The following EEF1E1 variants were observed in gnomAD, a reference collection of about 807,000 sequenced individuals.
EEF1E1 encodes eukaryotic translation elongation factor 1 epsilon 1.
In EEF1E1, 19 loss-of-function variants were observed where a neutral mutation model predicts 19.9. The ratio of observed to expected loss-of-function variants is 0.95; its 90% CI spans 0.66 to 1.40. EEF1E1 has a LOEUF of 1.40. Ranked by LOEUF, EEF1E1 falls within the 40% of genes most tolerant of loss-of-function variation. The pLI is 0.00. For missense variants in EEF1E1, 198 were observed against 202.2 expected (o/e 0.98, Z 0.13); for synonymous variants, 81 against 80.0 (o/e 1.01, Z -0.07).
chr6:8,102,268 G>C (rs1561647769), intron 1 of EEF1E1, among the ~76,000 whole-genome samples, 167 bp downstream of exon 1: 1 of 152,156 alleles, frequency 6.6e-6, no homozygotes, highest in East Asian at 1.9e-4. Context: ...AGGATGGCAG[G>C]GGCCGAGGCC....
At chr6:8,082,277 T>C (rs956222484) in intron 3 of EEF1E1, among the ~76,000 whole-genome samples, 1 of 152,140 alleles carries the variant, frequency 6.6e-6, no homozygotes, top group Non-Finnish European at 1.5e-5. Context: ...CAATGATTTA[T>C]TTATTATTAT....
intron 1 of EEF1E1, among the ~76,000 whole-genome samples, chr6:8,099,010 G>T (rs938964228): frequency 4.0e-5 from 6 of 151,584 alleles, no homozygotes; most frequent in South Asian, 2.1e-4. Flanking sequence ...AAAAACCAAG[G>T]TTGCTTGGTT....
chr6:8,101,574 A>G (rs1758365408), intron 1 of EEF1E1, among the ~76,000 whole-genome samples: 1 of 151,988 alleles, frequency 6.6e-6, no homozygotes, highest in African/African-American at 2.4e-5. Flanking sequence ...CTTCACATGG[A>G]CCAAATGAAG....
downstream of EEF1E1, among the ~76,000 whole-genome samples, chr6:8,074,901 G>T (rs1043945287): frequency 6.6e-6 from 1 of 152,210 alleles, no homozygotes. Context: ...AGAGGAGTAA[G>T]ACACAGGAAG....
intron 3 of EEF1E1, among the ~76,000 whole-genome samples, chr6:8,074,146 T>A (rs1348329968): frequency 6.6e-6 from 1 of 152,216 alleles, no homozygotes; most frequent in Non-Finnish European, 1.5e-5. Flanking sequence ...GGACCATACG[T>A]TGAACTTAAG....
At chr6:8,093,204 T>C (rs948408640) in intron 2 of EEF1E1, among the ~76,000 whole-genome samples, 2 of 152,242 alleles carry the variant, frequency 1.3e-5, no homozygotes, top group Non-Finnish European at 2.9e-5. Flanking sequence ...TTATAAACTA[T>C]GATTAGGTAA....
intron 1 of EEF1E1, among the ~76,000 whole-genome samples, chr6:8,098,523 G>T (rs1273626510): frequency 6.6e-6 from 1 of 152,178 alleles, no homozygotes; most frequent in Non-Finnish European, 1.5e-5. Flanking sequence ...ATACTCTACA[G>T]GATACAGATT....
intron 2 of EEF1E1, among the ~76,000 whole-genome samples, chr6:8,094,247 G>A (rs1758102969): frequency 6.6e-6 from 1 of 152,114 alleles, no homozygotes; most frequent in Non-Finnish European, 1.5e-5. Context: ...GGACAAATGA[G>A]CAACATAGCT....
chr6:8,075,320 G>T (rs545949450), downstream of EEF1E1, among the ~76,000 whole-genome samples: 98 of 152,246 alleles, frequency 6.4e-4, no homozygotes, highest in Non-Finnish European at 8.7e-4. Context: ...ACTCCTGAGG[G>T]CAATGAATTG....
chr6:8,073,624 A>G, intron 3 of EEF1E1: 2 of 1,392,808 alleles, frequency 1.4e-6, no homozygotes, highest in Non-Finnish European at 1.9e-6. Flanking sequence ...AAAAGTTTTA[A>G]CAGATATTTT....
chr6:8,082,340 C>T (rs556761402), intron 3 of EEF1E1, among the ~76,000 whole-genome samples: 10 of 152,238 alleles, frequency 6.6e-5, no homozygotes, highest in Non-Finnish European at 1.5e-4. Context: ...GGCAGTGGCG[C>T]GATCTGGGCT....
At chr6:8,085,549 T>G (rs1757831403) in intron 3 of EEF1E1, among the ~76,000 whole-genome samples, 1 of 152,246 alleles carries the variant, frequency 6.6e-6, no homozygotes, top group African/African-American at 2.4e-5. Context: ...CTCTTTGGTC[T>G]CTTATTTTGT....
chr6:8,076,819 A>G (rs1264688363), downstream of EEF1E1, among the ~76,000 whole-genome samples: 1 of 152,214 alleles, frequency 6.6e-6, no homozygotes, highest in Non-Finnish European at 1.5e-5. Context: ...TTTTCTGAGC[A>G]GTAGGTCTCA....
chr6:8,090,829 T>G (rs991774334), intron 2 of EEF1E1, among the ~76,000 whole-genome samples: 1 of 152,250 alleles, frequency 6.6e-6, no homozygotes, highest in Non-Finnish European at 1.5e-5. Context: ...TTTCACTGAA[T>G]GTAAAGTTCC....
rs141714640 is a variant in EEF1E1 at position 8,087,069 on chromosome 6, T to G, written c.384+3117A>C. On this transcript the variant is annotated intron_variant, in intron 3 of 3. Coordinates refer to ENST00000379715, the MANE Select transcript of EEF1E1 (RefSeq NM_004280.5). Reference sequence around the variant, plus strand: ...CCGAGAGATACTTGGGAAATGCAAATGAAGTGGAGAGGAAGGGAAGGGCTG... The same window carrying G: ...CCGAGAGATACTTGGGAAATGCAAAGGAAGTGGAGAGGAAGGGAAGGGCTG... Among the ~76,000 whole-genome samples, 490 of 150,402 alleles carry G rather than the reference T, an allele frequency of 3.3e-3. 2 individuals are homozygous for G. Among genetic ancestry groups the G allele is most frequent in the Non-Finnish European group, 5.0e-3 (340 of 67,542 alleles).
intron 2 of EEF1E1, among the ~76,000 whole-genome samples, chr6:8,093,828 C>T (rs1314241085): frequency 3.3e-5 from 5 of 151,424 alleles, no homozygotes; most frequent in Admixed American, 2.0e-4. Flanking sequence ...GACACAGCCT[C>T]GCTCTGTTGC....
chr6:8,102,336 C>A, intron 1 of EEF1E1, 99 bp downstream of exon 1: 1 of 1,245,184 alleles, frequency 8.0e-7, no homozygotes, highest in South Asian at 1.4e-5. Flanking sequence ...GCAGCATCCT[C>A]ACTCCGCCCG....
At position 8,079,552 on chromosome 6, in the gene EEF1E1, A is replaced by G. The variant is rs368034921; in HGVS notation, c.*338T>C. 14 of 1,017,998 alleles carry G rather than the reference A, an allele frequency of 1.4e-5. No homozygotes were observed. The highest frequency in any genetic ancestry group is 1.4e-4 in the African/African-American group (8 of 58,622). 63.1% of individuals were successfully genotyped at this position (1,017,998 alleles called of 1,614,324 possible). ...ATTTTAGAATATGAAAGAGAGGTTAATAAATAGCCAAATATGTCAACCATT... is the reference window on the plus strand; with the variant it reads ...ATTTTAGAATATGAAAGAGAGGTTAGTAAATAGCCAAATATGTCAACCATT... On this transcript the variant is annotated 3_prime_UTR_variant, in exon 4 of 4. Transcript: ENST00000379715.
chr6:8,079,793 G>A lies in EEF1E1; in HGVS notation c.*97C>T, dbSNP rs901158371. 16 of 1,389,370 alleles carry A rather than the reference G, an allele frequency of 1.2e-5. No homozygotes were observed. The African/African-American group carries it at 2.3e-4, about 20-fold the overall frequency. 86.1% of individuals were successfully genotyped at this position (1,389,370 alleles called of 1,614,324 possible). ...AATTCTATCAACTTCAACAAATAATGAATGACTGTATATTAATTTACATTA... is the reference window on the plus strand; with the variant it reads ...AATTCTATCAACTTCAACAAATAATAAATGACTGTATATTAATTTACATTA... On this transcript the variant is annotated 3_prime_UTR_variant, in exon 4 of 4. Transcript: ENST00000379715.
Sources: allele counts gnomAD v4.1 joint callset (sites outside exome capture counted in the v4.1 genomes callset), GRCh38; gene constraint gnomAD v4.1.1; transcripts MANE v1.5; gene names NCBI Gene and HGNC (gene_info 2026-07-23, HGNC 2026-07-21).